ENOX1: variants seen among roughly 807,000 people sequenced by gnomAD.
ENOX1 encodes ecto-NOX disulfide-thiol exchanger 1, also known as candidate growth-related and time keeping constitutive hydroquinone (NADH) oxidase.
In ENOX1, 42 loss-of-function variants were observed where a neutral mutation model predicts 82.5. The observed-to-expected ratio is 0.51, with a 90% CI of 0.40 to 0.66. The LOEUF is 0.66. Ranked by LOEUF, ENOX1 falls within the 30% of genes least tolerant of loss-of-function variation. The pLI is 0.00. For missense variants in ENOX1, 608 were observed against 811.6 expected (o/e 0.75, Z 3.05); for synonymous variants, 271 against 282.2 (o/e 0.96, Z 0.40).
At chr13:43,615,892 T>C (rs1486285279) in intron 2 of ENOX1, among the ~76,000 whole-genome samples, 1 of 151,754 alleles carries the variant, frequency 6.6e-6, no homozygotes, top group Non-Finnish European at 1.5e-5. Flanking sequence ...GGTTTCCAGC[T>C]ACATCCATGT....
chr13:43,652,897 C>A (rs2084260508), intron 2 of ENOX1, among the ~76,000 whole-genome samples: 2 of 152,112 alleles, frequency 1.3e-5, no homozygotes, highest in South Asian at 4.1e-4. Flanking sequence ...TTCAAAGCTG[C>A]CTGGGAGATG....
intron 2 of ENOX1, among the ~76,000 whole-genome samples, chr13:43,583,932 A>T (rs1273626045): frequency 6.6e-6 from 1 of 152,166 alleles, no homozygotes. Context: ...AGCACAAAAA[A>T]ACCCAGATTG....
At chr13:43,269,003 A>G (rs149996487) in intron 13 of ENOX1, among the ~76,000 whole-genome samples, 1 of 152,326 alleles carries the variant, frequency 6.6e-6, no homozygotes, top group East Asian at 1.9e-4. Flanking sequence ...TTCATATAAA[A>G]GGTCTGTTGC....
intron 2 of ENOX1, among the ~76,000 whole-genome samples, chr13:43,635,232 G>C (rs1269875830): frequency 6.6e-6 from 1 of 152,232 alleles, no homozygotes; most frequent in African/African-American, 2.4e-5. Flanking sequence ...TAAGTAATCA[G>C]TGGGAAATGG....
chr13:43,670,059 A>T (rs1020312104), intron 1 of ENOX1, among the ~76,000 whole-genome samples: 1 of 152,142 alleles, frequency 6.6e-6, no homozygotes, highest in Non-Finnish European at 1.5e-5. Flanking sequence ...AATGACTGAA[A>T]CACGCTTCAT....
chr13:43,732,040 A>G (rs977942842), intron 1 of ENOX1, among the ~76,000 whole-genome samples: 1 of 152,200 alleles, frequency 6.6e-6, no homozygotes, highest in Non-Finnish European at 1.5e-5. Flanking sequence ...CAGCATCAGA[A>G]TTTACTTCAA....
At chr13:43,753,848 C>T (rs545118340) in intron 1 of ENOX1, among the ~76,000 whole-genome samples, 6 of 143,320 alleles carry the variant, frequency 4.2e-5, no homozygotes, top group East Asian at 2.1e-4. Flanking sequence ...AAGAGTAATA[C>T]GTCACCTTTC....
At chr13:43,610,747 T>C (rs1035671776) in intron 2 of ENOX1, among the ~76,000 whole-genome samples, 7 of 5,570 alleles carry the variant, frequency 1.3e-3, no homozygotes, top group Non-Finnish European at 3.9e-3. Context: ...ACATTTCCCA[T>C]AGTTTTTTTT....
intron 1 of ENOX1, among the ~76,000 whole-genome samples, chr13:43,729,428 C>G (rs536655343): frequency 6.8e-6 from 1 of 147,480 alleles, no homozygotes; most frequent in African/African-American, 2.7e-5. Context: ...ACAGGAAACA[C>G]TTAATTCATA....
In ENOX1 at chr13:43,238,708, C is replaced by G. The variant is rs191759547; in HGVS notation, c.1612-1970G>C. ...TCATTAAAAAAATACAAAAAATGAA[C>G]CCTGGAGCTGAGTGGAAATAATATC... On this transcript the variant is annotated intron_variant, in intron 14 of 16. Transcript: ENST00000690772. Among the ~76,000 whole-genome samples, 67 of 152,178 alleles carry G rather than the reference C, an allele frequency of 4.4e-4. 1 individual carries two copies. The highest frequency in any genetic ancestry group is 1.6e-3 in the African/African-American group (65 of 41,512).
At chr13:43,519,806 A>C (rs1360317535) in intron 2 of ENOX1, among the ~76,000 whole-genome samples, 1 of 152,144 alleles carries the variant, frequency 6.6e-6, no homozygotes, top group African/African-American at 2.4e-5. Flanking sequence ...TTGTGCCATA[A>C]GCAACCTTCT....
At chr13:43,360,590 A>T (rs182376151) in intron 6 of ENOX1, among the ~76,000 whole-genome samples, 47 of 152,230 alleles carry the variant, frequency 3.1e-4, no homozygotes, top group African/African-American at 1.1e-3. Flanking sequence ...AATTTTGGGA[A>T]GGCTGTATAA....
intron 2 of ENOX1, among the ~76,000 whole-genome samples, chr13:43,661,314 C>T (rs962925596): frequency 5.3e-5 from 8 of 152,126 alleles, no homozygotes; most frequent in African/African-American, 7.2e-5. Flanking sequence ...ATACTGTGCG[C>T]GTTGCAAAAT....
chr13:43,638,599 T>A (rs1176950018), intron 2 of ENOX1, among the ~76,000 whole-genome samples: 1 of 152,238 alleles, frequency 6.6e-6, no homozygotes. Context: ...GCTGGATTTT[T>A]AAAATATCCA....
chr13:43,387,578 C>T (rs934025465), intron 5 of ENOX1, among the ~76,000 whole-genome samples: 8 of 152,054 alleles, frequency 5.3e-5, no homozygotes, highest in East Asian at 1.9e-4. Context: ...TGCCTATTGA[C>T]TTTCTGCTTG....
intron 3 of ENOX1, among the ~76,000 whole-genome samples, chr13:43,470,308 A>ATATATATATGTG (rs2057961106): frequency 2.6e-5 from 1 of 38,624 alleles, no homozygotes; most frequent in Non-Finnish European, 5.4e-5. Context: ...ATATATATAC[A>ATATATATATGTG]TATATATACA....
intron 14 of ENOX1, among the ~76,000 whole-genome samples, chr13:43,252,217 T>A (rs2043497797): frequency 6.6e-6 from 1 of 152,190 alleles, no homozygotes; most frequent in Non-Finnish European, 1.5e-5. Flanking sequence ...AAACGACGTG[T>A]TACTGAGCAT....
At chr13:43,306,862 T>G (rs1379101948) in intron 11 of ENOX1, among the ~76,000 whole-genome samples, 2 of 152,134 alleles carry the variant, frequency 1.3e-5, no homozygotes, top group Non-Finnish European at 2.9e-5. Flanking sequence ...TATTAGTATT[T>G]GAATTGGTGC....
At chr13:43,264,337 T>G (rs950186946) in intron 14 of ENOX1, among the ~76,000 whole-genome samples, 1 of 152,248 alleles carries the variant, frequency 6.6e-6, no homozygotes, top group Admixed American at 6.5e-5. Context: ...CATGTGTTTC[T>G]TAATTCCTTA....
Sources: allele counts gnomAD v4.1 joint callset (sites outside exome capture counted in the v4.1 genomes callset), GRCh38; gene constraint gnomAD v4.1.1; transcripts MANE v1.5; gene names NCBI Gene and HGNC (gene_info 2026-07-23, HGNC 2026-07-21).